Variants in LMX1A observed in about 807,000 individuals in gnomAD.
LMX1A encodes LIM homeobox transcription factor 1-alpha.
Under a neutral mutation model 49.1 loss-of-function variants are expected in LMX1A, and 15 were observed. The observed-to-expected ratio is 0.31, with a 90% CI of 0.20 to 0.47. The LOEUF (loss-of-function observed/expected upper bound fraction) is 0.47, where lower values mean the gene tolerates loss of function less well. LMX1A is among the 20% of genes least tolerant of loss of function. The pLI is 1.00. For synonymous variants in LMX1A, 167 were observed against 185.7 expected, an observed-to-expected ratio of 0.90 and a Z score of 0.82; for missense variants, 372 against 475.8, an observed-to-expected ratio of 0.78 and a Z score of 2.03.
chr1:165,290,661 C>G (rs1422514672), intron 3 of LMX1A, among the ~76,000 whole-genome samples: 1 of 152,134 alleles, frequency 6.6e-6, no homozygotes, highest in African/African-American at 2.4e-5. Context: ...ATGCTGAGAA[C>G]ATAGCAGATA....
At chr1:165,303,521 T>A (rs1557878416) in intron 3 of LMX1A, among the ~76,000 whole-genome samples, 1 of 152,050 alleles carries the variant, frequency 6.6e-6, no homozygotes, top group Non-Finnish European at 1.5e-5. Flanking sequence ...GCTGGAAGAG[T>A]GGCCAAGTAA....
Position 165,203,575 on chromosome 1 carries a change from G to A in LMX1A, c.*305C>T, listed in dbSNP as rs1471680769. Reference sequence around the variant, plus strand: ...AGCTTCCCCGACATGGTGGGAAGTTGTTAGGAGTCCCTAAGTATCTAGTTT... The same window carrying A: ...AGCTTCCCCGACATGGTGGGAAGTTATTAGGAGTCCCTAAGTATCTAGTTT... On this transcript the variant is annotated 3_prime_UTR_variant, in exon 9 of 9. Coordinates refer to ENST00000342310, the MANE Select transcript of LMX1A (RefSeq NM_177398.4). 1 of 220,038 alleles carries A rather than the reference G, an allele frequency of 4.5e-6. No homozygotes were observed. Among genetic ancestry groups the A allele is most frequent in the Non-Finnish European group, 9.2e-6 (1 of 108,448 alleles). The allele number at this position is 220,038 out of a possible 1,614,324, so 13.6% of individuals were successfully genotyped here.
chr1:165,339,015 C>T (rs1022967993), intron 3 of LMX1A, among the ~76,000 whole-genome samples: 4 of 152,192 alleles, frequency 2.6e-5, no homozygotes, highest in Admixed American at 2.0e-4. Context: ...ATGTTCCACA[C>T]CTCAGAGAGC....
At chr1:165,209,495 G>A (rs1651272691) in intron 6 of LMX1A, among the ~76,000 whole-genome samples, 1 of 152,112 alleles carries the variant, frequency 6.6e-6, no homozygotes, top group South Asian at 2.1e-4. Context: ...GAAAAGGGAT[G>A]GGCTGAAAGT....
chr1:165,268,496 G>A (rs1653692657), intron 3 of LMX1A, among the ~76,000 whole-genome samples: 1 of 152,200 alleles, frequency 6.6e-6, no homozygotes, highest in Admixed American at 6.5e-5. Context: ...GAGAGATGTT[G>A]TTACCAAGAT....
chr1:165,235,314 A>T (rs184772827), intron 4 of LMX1A, among the ~76,000 whole-genome samples: 29 of 152,242 alleles, frequency 1.9e-4, no homozygotes, highest in African/African-American at 6.3e-4. Context: ...GGAGGGCTGG[A>T]GGCATGAGCG....
intron 3 of LMX1A, among the ~76,000 whole-genome samples, chr1:165,315,353 C>T (rs545927769): frequency 7.2e-5 from 11 of 152,314 alleles, no homozygotes; most frequent in African/African-American, 2.4e-4. Context: ...AAAAGCCCTA[C>T]TTCCTTTCAT....
At chr1:165,320,149 T>C (rs979928002) in intron 3 of LMX1A, among the ~76,000 whole-genome samples, 1 of 152,220 alleles carries the variant, frequency 6.6e-6, no homozygotes. Flanking sequence ...TTGGGATCTT[T>C]TGATAAGTGT....
At chr1:165,305,523 A>C (rs572610002) in intron 3 of LMX1A, among the ~76,000 whole-genome samples, 20 of 152,356 alleles carry the variant, frequency 1.3e-4, no homozygotes, top group African/African-American at 4.3e-4. Context: ...TCAGGGCCAA[A>C]GCAAGAAGAG....
intron 3 of LMX1A, among the ~76,000 whole-genome samples, chr1:165,331,997 G>A (rs939712559): frequency 2.0e-5 from 3 of 152,094 alleles, no homozygotes; most frequent in Admixed American, 2.0e-4. Context: ...AGGAATAGAG[G>A]AAGAGAGTAA....
intron 3 of LMX1A, among the ~76,000 whole-genome samples, chr1:165,329,384 G>A (rs1655675053): frequency 6.6e-6 from 1 of 151,516 alleles, no homozygotes; most frequent in Non-Finnish European, 1.5e-5. Flanking sequence ...CCACACAGAG[G>A]AGATGTGCAA....
intron 4 of LMX1A, among the ~76,000 whole-genome samples, chr1:165,230,865 G>A (rs1652216908): frequency 1.3e-5 from 2 of 152,246 alleles, no homozygotes; most frequent in South Asian, 4.1e-4. Flanking sequence ...GTGGCGAGAG[G>A]AGAAAGGCCC....
At chr1:165,231,779 TG>T (rs1652248751) in intron 4 of LMX1A, among the ~76,000 whole-genome samples, 2 of 105,860 alleles carry the variant, frequency 1.9e-5, no homozygotes, top group Admixed American at 2.0e-4. Flanking sequence ...TATTTTTACC[TG>T]TTCTAAAAAA....
chr1:165,277,689 C>T (rs1654010733), intron 3 of LMX1A, among the ~76,000 whole-genome samples: 1 of 152,162 alleles, frequency 6.6e-6, no homozygotes, highest in Non-Finnish European at 1.5e-5. Flanking sequence ...CAGGTCTGAT[C>T]CTTCTGCTGA....
intron 3 of LMX1A, among the ~76,000 whole-genome samples, chr1:165,275,847 A>ATGTGTGTG (rs529022372): frequency 0.028 from 3,889 of 138,988 alleles, 68 homozygotes; most frequent in Admixed American, 0.058. Context: ...GTGTGTGTGT[A>ATGTGTGTG]TGTGTGTGTG....
chr1:165,350,487 A>G (rs1452694038), intron 3 of LMX1A, among the ~76,000 whole-genome samples: 1 of 152,142 alleles, frequency 6.6e-6, no homozygotes, highest in Admixed American at 6.5e-5. Flanking sequence ...AGCGTCTTGC[A>G]TACAGAAGCT....
chr1:165,260,577 C>G (rs1653403543), intron 3 of LMX1A, among the ~76,000 whole-genome samples: 1 of 152,200 alleles, frequency 6.6e-6, no homozygotes, highest in Admixed American at 6.5e-5. Flanking sequence ...CTAGAATCAA[C>G]TGTTTCCAGC....
At chr1:165,232,236 A>G (rs894328764) in intron 4 of LMX1A, among the ~76,000 whole-genome samples, 1 of 152,204 alleles carries the variant, frequency 6.6e-6, no homozygotes, top group Non-Finnish European at 1.5e-5. Flanking sequence ...AAGGAGATCT[A>G]CATCCCTGTC....
intron 3 of LMX1A, among the ~76,000 whole-genome samples, chr1:165,274,119 C>T (rs1653890469): frequency 6.6e-6 from 1 of 152,200 alleles, no homozygotes; most frequent in African/African-American, 2.4e-5. Context: ...ATGCATCTGT[C>T]CTGGGTCCTG....
Sources: gnomAD v4.1 joint callset for allele counts (sites outside exome capture counted in the v4.1 genomes callset) on GRCh38, gnomAD v4.1.1 for gene constraint, MANE v1.5 for transcripts, NCBI Gene and HGNC (gene_info 2026-07-23, HGNC 2026-07-21) for gene names.